The following SMAP1 variants were observed in gnomAD, a reference collection of about 807,000 sequenced individuals.
SMAP1 encodes the protein small ArfGAP 1, also known as stromal membrane-associated protein 1.
SMAP1 carries 24 observed loss-of-function variants against 58.5 expected under a neutral mutation model. The observed-to-expected ratio is 0.41, with a 90% confidence interval of 0.30 to 0.58. SMAP1 has a LOEUF of 0.58. Among genes scored for constraint, SMAP1 ranks in the 20% least tolerant of loss-of-function variants. The pLI, the probability that SMAP1 is intolerant of heterozygous loss-of-function variation, is 0.29. For synonymous variants in SMAP1, 216 were observed against 196.6 expected (o/e 1.10, Z -0.82); for missense variants, 563 against 566.3 (o/e 0.99, Z 0.06).
chr6:70,826,955 A>G (rs868595448), intron 6 of SMAP1, among the ~76,000 whole-genome samples: 162 of 140,802 alleles, frequency 1.2e-3, no homozygotes, highest in African/African-American at 3.3e-3. Flanking sequence ...AAAAAAAAAA[A>G]AAAAAGAAAA....
chr6:70,753,613 T>G lies in SMAP1; in HGVS notation c.253-1367T>G, dbSNP rs931078414. Among the ~76,000 whole-genome samples the G allele has an allele frequency of 9.5e-4, 144 of 152,266 alleles. 2 individuals are homozygous for G. Among genetic ancestry groups the G allele is most frequent in the Non-Finnish European group, 2.8e-4 (19 of 67,990 alleles). On this transcript the variant is annotated intron_variant, in intron 2 of 10. Coordinates refer to ENST00000370455, the MANE Select transcript of SMAP1 (RefSeq NM_001044305.3). ...CTCTCCCCACACACAGAATTACGTA[T>G]TAACTCTTCTTATGCTAACTTCATG...
intron 2 of SMAP1, among the ~76,000 whole-genome samples, chr6:70,749,598 T>TAA (rs1394753110): frequency 1.5e-3 from 225 of 150,266 alleles, no homozygotes; most frequent in African/African-American, 5.2e-3. Context: ...TTACCTCATT[T>TAA]AAAAAAAAAA....
At chr6:70,782,772 T>C (rs2149927189) in intron 4 of SMAP1, among the ~76,000 whole-genome samples, 1 of 152,290 alleles carries the variant, frequency 6.6e-6, no homozygotes, top group African/African-American at 2.4e-5. Flanking sequence ...TCTTTGGATT[T>C]GAAGAGAGGC....
intron 1 of SMAP1, among the ~76,000 whole-genome samples, chr6:70,731,841 A>G (rs1191522617): frequency 2.0e-5 from 3 of 152,182 alleles, no homozygotes; most frequent in East Asian, 1.9e-4. Flanking sequence ...AGAGTTAAAG[A>G]GCACTTTCAC....
intron 2 of SMAP1, among the ~76,000 whole-genome samples, chr6:70,745,132 A>G (rs1765974843): frequency 1.3e-5 from 2 of 151,994 alleles, no homozygotes; most frequent in African/African-American, 2.4e-5. Context: ...TTGCCTGTTC[A>G]CTCTGATGGT....
chr6:70,770,387 A>C (rs886764294), intron 3 of SMAP1, among the ~76,000 whole-genome samples: 5 of 152,224 alleles, frequency 3.3e-5, no homozygotes, highest in African/African-American at 1.2e-4. Context: ...CAGGTAGATC[A>C]ATCAGACATA....
intron 1 of SMAP1, among the ~76,000 whole-genome samples, chr6:70,684,869 GC>G (rs1328752760): frequency 3.3e-5 from 5 of 152,134 alleles, no homozygotes; most frequent in Non-Finnish European, 7.3e-5. Context: ...GAAAACATGG[GC>G]TTTGAAAGCT....
chr6:70,749,320 C>T lies in SMAP1; in HGVS notation c.253-5660C>T, dbSNP rs9455216. On this transcript the variant is annotated intron_variant, in intron 2 of 10. Coordinates refer to ENST00000370455, the MANE Select transcript of SMAP1 (RefSeq NM_001044305.3). ...CACCAAGTCCCTTCCCAACACCTGA[C>T]GTGTGGGTATTACGAGATGAGATCT... 6.3e-3 allele frequency among the ~76,000 whole-genome samples: 955 copies of T among 152,216 alleles called. 6 individuals are homozygous for T. The highest frequency in any genetic ancestry group is 0.022 in the African/African-American group (913 of 41,540).
intron 1 of SMAP1, among the ~76,000 whole-genome samples, chr6:70,701,053 G>T (rs568462004): frequency 6.6e-6 from 1 of 152,116 alleles, no homozygotes; most frequent in Admixed American, 6.5e-5. Context: ...CTCCTCACAC[G>T]GAAGGAAGGA....
At chr6:70,819,457 C>A (rs1769792398) in intron 6 of SMAP1, among the ~76,000 whole-genome samples, 1 of 152,114 alleles carries the variant, frequency 6.6e-6, no homozygotes, top group Non-Finnish European at 1.5e-5. Flanking sequence ...AAGGATGTTT[C>A]CTGTTTCAGG....
rs1002131286 is a variant in SMAP1 at position 70,785,757 on chromosome 6, A to G, written c.415-5932A>G. Among the ~76,000 whole-genome samples, 110 of 152,246 alleles carry G rather than the reference A, an allele frequency of 7.2e-4. 1 individual carries two copies. The highest frequency in any genetic ancestry group is 4.7e-3 in the Admixed American group (72 of 15,284). Reference sequence around the variant, plus strand: ...CCCTCCCAAGAGTAAACCAGGAAGAAGTTGACTCTCTGAATAGACCAATAA... The same window carrying G: ...CCCTCCCAAGAGTAAACCAGGAAGAGGTTGACTCTCTGAATAGACCAATAA... On this transcript the variant is annotated intron_variant, in intron 4 of 10. Coordinates refer to ENST00000370455, the MANE Select transcript of SMAP1 (RefSeq NM_001044305.3).
chr6:70,728,195 G>C (rs1428382246), intron 1 of SMAP1, among the ~76,000 whole-genome samples: 1 of 152,192 alleles, frequency 6.6e-6, no homozygotes, highest in Non-Finnish European at 1.5e-5. Flanking sequence ...TTGGATCCAA[G>C]GTTGCAGGTT....
intron 2 of SMAP1, among the ~76,000 whole-genome samples, chr6:70,740,632 G>T (rs1031951053): frequency 1.3e-5 from 2 of 151,910 alleles, no homozygotes; most frequent in African/African-American, 4.8e-5. Flanking sequence ...CTCAGTTTGG[G>T]GTCCTATCCT....
chr6:70,668,791 T>C, intron 1 of SMAP1: 1 of 1,465,668 alleles, frequency 6.8e-7, no homozygotes, highest in Non-Finnish European at 9.2e-7. Flanking sequence ...TTTAGTCTGG[T>C]TATTAGCCAG....
At chr6:70,692,017 G>T (rs530337214) in intron 1 of SMAP1, among the ~76,000 whole-genome samples, 30 of 152,116 alleles carry the variant, frequency 2.0e-4, no homozygotes, top group Non-Finnish European at 2.9e-4. Context: ...TCTATTTTTG[G>T]TTTTTTTGAG....
Position 70,839,545 on chromosome 6 carries a change from A to T in SMAP1, c.664+2517A>T, listed in dbSNP as rs553160758. 4.6e-5 allele frequency among the ~76,000 whole-genome samples: 7 copies of T among 152,156 alleles called. No individual in the cohort carries two copies. The South Asian group carries it at 1.2e-3, about 27-fold the overall frequency. On this transcript the variant is annotated intron_variant, in intron 7 of 10. Coordinates refer to ENST00000370455, the MANE Select transcript of SMAP1 (RefSeq NM_001044305.3). The stretch of plus-strand genomic sequence containing the variant: ...TTTCAGGACAGTGTCTTTAAGGGAG[A>T]ACCAAAGTTCATTTAGCAGGAGAAG...
At chr6:70,800,866 T>C (rs1002389584) in intron 6 of SMAP1, among the ~76,000 whole-genome samples, 2 of 152,130 alleles carry the variant, frequency 1.3e-5, no homozygotes, top group Non-Finnish European at 2.9e-5. Context: ...GTTATGACTG[T>C]GTAGTATTCC....
chr6:70,841,139 C>T (rs746101190), intron 7 of SMAP1, among the ~76,000 whole-genome samples: 51 of 152,316 alleles, frequency 3.3e-4, no homozygotes, highest in Admixed American at 1.0e-3. Flanking sequence ...GGGCATAAGA[C>T]CGCCTCTGAG....
At chr6:70,672,864 A>G (rs1351214025) in intron 1 of SMAP1, among the ~76,000 whole-genome samples, 1 of 151,990 alleles carries the variant, frequency 6.6e-6, no homozygotes, top group Admixed American at 6.6e-5. Flanking sequence ...GAATTAAAGG[A>G]CACAGCTGCA....
Sources: allele counts gnomAD v4.1 joint callset (sites outside exome capture counted in the v4.1 genomes callset), GRCh38; gene constraint gnomAD v4.1.1; transcripts MANE v1.5; gene names NCBI Gene and HGNC (gene_info 2026-07-23, HGNC 2026-07-21).